NEK9: variants seen among roughly 807,000 people sequenced by gnomAD.
NEK9 encodes the protein NIMA related kinase 9.
NEK9 carries 75 observed loss-of-function variants against 123.4 expected under a neutral mutation model. That is an observed-to-expected ratio of 0.61 (90% CI 0.50 to 0.74). The LOEUF (loss-of-function observed/expected upper bound fraction) is 0.74. NEK9 is among the 30% of genes least tolerant of loss of function. The probability of loss-of-function intolerance (pLI) is 0.00; values close to 1 mark genes in which losing one functional copy is unlikely to be tolerated. For synonymous variants in NEK9, 438 were observed against 458.7 expected, an observed-to-expected ratio of 0.95 and a Z score of 0.58; for missense variants, 952 against 1,214.4, an observed-to-expected ratio of 0.78 and a Z score of 3.21.
intron 21 of NEK9, 76 bp from the exon 22 acceptor site, chr14:75,084,762 A>T (rs1893969281): frequency 6.3e-7 from 1 of 1,585,200 alleles, no homozygotes; most frequent in Non-Finnish European, 8.6e-7. Context: ...CTATATTTTC[A>T]ATGCCAACTT....
chr14:75,100,863 C>T, intron 16 of NEK9, 129 bp downstream of exon 16: 2 of 915,600 alleles, frequency 2.2e-6, no homozygotes, highest in Non-Finnish European at 3.2e-6. Flanking sequence ...AACCGGCCAC[C>T]AATTTAATAC....
intron 16 of NEK9, among the ~76,000 whole-genome samples, chr14:75,098,249 C>A (rs1365369416): frequency 6.6e-6 from 1 of 152,020 alleles, no homozygotes; most frequent in Non-Finnish European, 1.5e-5. Context: ...GGCAGAAAAT[C>A]AGAAGTTTGA....
In NEK9 at chr14:75,086,980, C is replaced by G. The variant is rs767206456; in HGVS notation, c.2817+38G>C. 3.8e-6 allele frequency: 6 copies of G among 1,579,176 alleles called. No homozygotes were observed. The African/African-American group carries it at 8.1e-5, about 21-fold the overall frequency. ...GTTTTGTTTCTGTGATTCTTCAAAA[C>G]AGGCTTAGAAATTGGATTATTCTTT... On this transcript the variant is annotated intron_variant, in intron 21 of 21. Coordinates refer to ENST00000238616, the MANE Select transcript of NEK9 (RefSeq NM_033116.6).
chr14:75,105,741 C>T (rs376316174), intron 13 of NEK9, among the ~76,000 whole-genome samples: 8 of 152,184 alleles, frequency 5.3e-5, no homozygotes, highest in Middle Eastern at 3.2e-3. Context: ...TGTCCACAGT[C>T]GCTGTATCCA....
chr14:75,090,566 C>CT (rs879420279), intron 19 of NEK9, among the ~76,000 whole-genome samples: 89 of 144,342 alleles, frequency 6.2e-4, no homozygotes, highest in South Asian at 8.7e-4. Context: ...AACATTCTTA[C>CT]TTTTTTTTTT....
intron 21 of NEK9, 89 bp downstream of exon 21, chr14:75,086,929 G>A (rs574653081): frequency 9.6e-6 from 13 of 1,351,508 alleles, no homozygotes; most frequent in Non-Finnish European, 1.4e-5. Context: ...GACCTGCAAA[G>A]GAACAAGTCT....
Position 75,105,966 on chromosome 14 carries a change from T to A in NEK9, c.1559A>T (p.Tyr520Phe). 1 of 1,613,732 alleles carries A rather than the reference T, an allele frequency of 6.2e-7. No individual in the cohort carries two copies. Among genetic ancestry groups the A allele is most frequent in the Non-Finnish European group, 8.5e-7 (1 of 1,179,614 alleles). The change falls in exon 13 of 22, where the codon TAT (tyrosine) becomes TTT (phenylalanine). Residue 520 changes from tyrosine (Y) to phenylalanine (F), a missense_variant. Around this residue, in one of 4 missense-constraint regions of NEK9, gnomAD observed 698 missense variants for 875.6 expected, o/e 0.80. Coordinates refer to ENST00000238616, the MANE Select transcript of NEK9 (RefSeq NM_033116.6). Reference sequence around the variant, plus strand: ...TGATTTTACCTTTTGTGGTGTATAATAATCCTCTTCTGAATCCAAACCCAG... The same window carrying A: ...TGATTTTACCTTTTGTGGTGTATAAAAATCCTCTTCTGAATCCAAACCCAG... ...GRLGLDSEED[Y>F]YTPQKVDVPK...
chr14:75,111,460 C>A (rs1425480980), intron 8 of NEK9, among the ~76,000 whole-genome samples: 2 of 152,160 alleles, frequency 1.3e-5, no homozygotes, highest in Non-Finnish European at 2.9e-5. Context: ...ATGCTATATT[C>A]TCTGTCTGGA....
intron 20 of NEK9, 45 bp downstream of exon 20, chr14:75,088,435 T>A (rs1242858841): frequency 6.3e-7 from 1 of 1,592,190 alleles, no homozygotes; most frequent in East Asian, 2.2e-5. Context: ...GAGCTTGCAG[T>A]GACTGTTTAC....
At chr14:75,117,934 T>C (rs1035224495) in intron 5 of NEK9, among the ~76,000 whole-genome samples, 2 of 152,102 alleles carry the variant, frequency 1.3e-5, no homozygotes, top group African/African-American at 2.4e-5. Flanking sequence ...ATAAAATTCA[T>C]AGTCAGCTTT....
chr14:75,080,438 T>TGAA lies in NEK9; in HGVS notation c.*4125_*4126insTTC, dbSNP rs1441112139. ...CTTTTTTTAAAAAAATCTGAATTTCTTCCTGGATAGCTCAGACGATGACAG... is the reference window on the plus strand; with the variant it reads ...CTTTTTTTAAAAAAATCTGAATTTCTGAATCCTGGATAGCTCAGACGATGACAG... On this transcript the variant is annotated 3_prime_UTR_variant, in exon 22 of 22. Coordinates refer to ENST00000238616, the MANE Select transcript of NEK9 (RefSeq NM_033116.6). The TGAA allele has an allele frequency of 6.6e-6, 1 of 152,212 alleles. No homozygotes were observed. Among genetic ancestry groups the TGAA allele is most frequent in the Non-Finnish European group, 1.5e-5 (1 of 68,032 alleles). 9.4% of individuals were successfully genotyped at this position (152,212 alleles called of 1,614,324 possible).
intron 18 of NEK9, among the ~76,000 whole-genome samples, chr14:75,092,805 T>C (rs1030820559): frequency 3.3e-5 from 5 of 152,172 alleles, no homozygotes; most frequent in Admixed American, 2.0e-4. Context: ...CTTTTTTTTT[T>C]TCTCTTACTC....
In NEK9 at chr14:75,080,736, G is replaced by A. The variant is rs1893846741; in HGVS notation, c.*3828C>T. On this transcript the variant is annotated 3_prime_UTR_variant, in exon 22 of 22. Transcript: ENST00000238616. ...GCCCACTGCAAGCTCCGCCTCCCGG[G>A]TTCACGCCATTCTTCTGCCCCAGCC... is the stretch of plus-strand genomic sequence containing the variant. 1.3e-5 allele frequency: 2 copies of A among 152,020 alleles called. No homozygotes were observed. The highest frequency in any genetic ancestry group is 3.9e-4 in the East Asian group (2 of 5,160). 9.4% of individuals were successfully genotyped at this position (152,020 alleles called of 1,614,324 possible).
Position 75,082,853 on chromosome 14 carries a change from G to C in NEK9, c.*1711C>G, listed in dbSNP as rs892200388. ...ACTGTTACAGTTTATGACAACCCCC[G>C]CAAGTCCCCAGAACTTGCAACTTTA... On this transcript the variant is annotated 3_prime_UTR_variant, in exon 22 of 22. Transcript: ENST00000238616. 21 of 397,456 alleles carry C rather than the reference G, an allele frequency of 5.3e-5. No individual in the cohort carries two copies. The highest frequency in any genetic ancestry group is 4.1e-4 in the African/African-American group (20 of 48,592). The allele number at this position is 397,456 out of a possible 1,614,324, so 24.6% of individuals were successfully genotyped here. A position where few individuals can be genotyped will look rare whatever the true frequency, so the allele number is the denominator to read the frequency against.
At position 75,102,491 on chromosome 14, in the gene NEK9, G is replaced by T. The variant is rs539051890; in HGVS notation, c.1732-726C>A. ...GCCTCCCAAGTAGCTGGGACTACCG[G>T]TGCCCGCCACCACACCTGGCTGTTT... On this transcript the variant is annotated intron_variant, in intron 14 of 21. Transcript: ENST00000238616. 4.4e-3 allele frequency among the ~76,000 whole-genome samples: 657 copies of T among 150,402 alleles called. 1 individual carries two copies. The highest frequency in any genetic ancestry group is 7.4e-3 in the South Asian group (35 of 4,734).
At chr14:75,099,002 G>C (rs112171687) in intron 16 of NEK9, among the ~76,000 whole-genome samples, 1 of 152,216 alleles carries the variant, frequency 6.6e-6, no homozygotes, top group African/African-American at 2.4e-5. Flanking sequence ...CAAGCAGAGA[G>C]AGTTAATGTG....
chr14:75,091,205 A>G (rs1894203276), intron 19 of NEK9, 65 bp downstream of exon 19: 2 of 1,353,250 alleles, frequency 1.5e-6, no homozygotes, highest in Non-Finnish European at 2.0e-6. Flanking sequence ...AGACCCTGAC[A>G]GCTCTTTCTA....
intron 9 of NEK9, 28 bp from the exon 10 acceptor site, chr14:75,109,905 C>T (rs777989594): frequency 3.8e-6 from 6 of 1,565,106 alleles, no homozygotes; most frequent in East Asian, 2.3e-5. Context: ...AACAAAGGAA[C>T]ATTTAACATT....
intron 18 of NEK9, 67 bp from the exon 19 acceptor site, chr14:75,091,545 A>G (rs1369085371): frequency 3.0e-6 from 4 of 1,316,936 alleles, no homozygotes; most frequent in East Asian, 2.7e-5. Flanking sequence ...CCATTTGACA[A>G]CCCTACTTAC....
Sources: allele counts gnomAD v4.1 joint callset (sites outside exome capture counted in the v4.1 genomes callset), GRCh38; gene constraint gnomAD v4.1.1; regional missense constraint gnomAD v4.1.1; transcripts MANE v1.5; gene names NCBI Gene and HGNC (gene_info 2026-07-23, HGNC 2026-07-21).